The following C1orf21 variants were observed in gnomAD, a reference collection of about 807,000 sequenced individuals.
C1orf21 encodes chromosome 1 open reading frame 21.
Under a neutral mutation model 18.7 loss-of-function variants are expected in C1orf21, and 3 were observed. That is an observed-to-expected ratio of 0.16 (90% CI 0.07 to 0.42). The LOEUF (loss-of-function observed/expected upper bound fraction) is 0.42, where lower values mean the gene tolerates loss of function less well. Ranked by LOEUF, C1orf21 falls within the 10% of genes least tolerant of loss-of-function variation. The pLI, the probability that C1orf21 is intolerant of heterozygous loss-of-function variation, is 0.99. For missense variants in C1orf21, 104 were observed against 143.6 expected (o/e 0.72, Z 1.41); for synonymous variants, 41 against 46.4 (o/e 0.88, Z 0.47).
At chr1:184,557,739 T>A (rs1301031734) in intron 3 of C1orf21, among the ~76,000 whole-genome samples, 1 of 152,226 alleles carries the variant, frequency 6.6e-6, no homozygotes, top group African/African-American at 2.4e-5. Context: ...CAAGTTTCAG[T>A]TTCCATTTAG....
intron 3 of C1orf21, among the ~76,000 whole-genome samples, chr1:184,565,549 C>G (rs1425414420): frequency 6.6e-6 from 1 of 152,216 alleles, no homozygotes; most frequent in Non-Finnish European, 1.5e-5. Context: ...ATTCCAGTTC[C>G]TATGATTGCT....
At chr1:184,490,369 A>C (rs1657799754) in intron 2 of C1orf21, among the ~76,000 whole-genome samples, 1 of 152,252 alleles carries the variant, frequency 6.6e-6, no homozygotes, top group Non-Finnish European at 1.5e-5. Flanking sequence ...GAGTGGGGGA[A>C]GACTTGTAAA....
At chr1:184,578,833 G>T (rs561678758) in intron 3 of C1orf21, among the ~76,000 whole-genome samples, 57 of 152,052 alleles carry the variant, frequency 3.7e-4, no homozygotes, top group South Asian at 6.3e-4. Flanking sequence ...CTCCTCCCAA[G>T]CACAAGAGTA....
intron 3 of C1orf21, among the ~76,000 whole-genome samples, chr1:184,548,224 C>T (rs1658754740): frequency 7.2e-6 from 1 of 139,604 alleles, no homozygotes; most frequent in Non-Finnish European, 1.5e-5. Flanking sequence ...AACACACACA[C>T]ACACACACAC....
At chr1:184,450,900 C>T (rs1657110719) in intron 1 of C1orf21, among the ~76,000 whole-genome samples, 1 of 152,184 alleles carries the variant, frequency 6.6e-6, no homozygotes, top group Non-Finnish European at 1.5e-5. Context: ...GTTTTCCTGA[C>T]AGAATCTTCC....
rs373800194 is a variant in C1orf21, at chr1:184,488,959, T to C, written c.94+11356T>C. ...CAGCCTGGGCGACAGAGCGAGACTCTGTCTCAAGAAAAAGAAAAGAAAAGA... is the reference window on the plus strand; with the variant it reads ...CAGCCTGGGCGACAGAGCGAGACTCCGTCTCAAGAAAAAGAAAAGAAAAGA... On this transcript the variant is annotated intron_variant, in intron 2 of 5. Transcript: ENST00000235307. 6.6e-3 allele frequency among the ~76,000 whole-genome samples: 1,010 copies of C among 152,070 alleles called. 6 individuals carry two copies. Among genetic ancestry groups the C allele is most frequent in the South Asian group, 0.013 (65 of 4,822 alleles).
At chr1:184,471,256 AT>A (rs1156861092) in intron 1 of C1orf21, among the ~76,000 whole-genome samples, 1 of 152,148 alleles carries the variant, frequency 6.6e-6, no homozygotes, top group Non-Finnish European at 1.5e-5. Context: ...GAAATAGGGG[AT>A]CTAAGCTGTG....
At chr1:184,594,426 G>A (rs1659486251) in intron 4 of C1orf21, among the ~76,000 whole-genome samples, 3 of 152,164 alleles carry the variant, frequency 2.0e-5, no homozygotes. Context: ...ATGTACATGG[G>A]AGCCCCTATG....
chr1:184,587,897 G>T (rs966309247), intron 3 of C1orf21, among the ~76,000 whole-genome samples: 1 of 152,102 alleles, frequency 6.6e-6, no homozygotes, highest in Non-Finnish European at 1.5e-5. Flanking sequence ...TTGCAAGCAT[G>T]AGCCACTGTG....
chr1:184,577,641 C>T (rs189970479), intron 3 of C1orf21, among the ~76,000 whole-genome samples: 95 of 152,152 alleles, frequency 6.2e-4, no homozygotes, highest in Admixed American at 5.8e-3. Context: ...GTAAGAAAAA[C>T]TAGATCATTT....
chr1:184,579,837 C>G (rs115282949), intron 3 of C1orf21, among the ~76,000 whole-genome samples: 2,895 of 152,166 alleles, frequency 0.019, 86 homozygotes, highest in African/African-American at 0.065. Flanking sequence ...GAGATGACTC[C>G]TTGTGTGAAA....
At chr1:184,428,840 C>T (rs1034599417) in intron 1 of C1orf21, among the ~76,000 whole-genome samples, 14 of 152,108 alleles carry the variant, frequency 9.2e-5, no homozygotes, top group Non-Finnish European at 2.1e-4. Context: ...GATTTTGTTG[C>T]TTTTCTGAGG....
At chr1:184,514,541 T>C (rs1389290863) in intron 3 of C1orf21, among the ~76,000 whole-genome samples, 1 of 152,154 alleles carries the variant, frequency 6.6e-6, no homozygotes, top group East Asian at 1.9e-4. Context: ...AAAATAGGTA[T>C]TCAAATACTA....
At chr1:184,590,367 A>G (rs1451965563) in intron 3 of C1orf21, among the ~76,000 whole-genome samples, 2 of 152,236 alleles carry the variant, frequency 1.3e-5, no homozygotes, top group African/African-American at 4.8e-5. Flanking sequence ...AATAAATTGC[A>G]CGGAAGTCAG....
At chr1:184,514,012 G>A (rs1280139244) in intron 3 of C1orf21, among the ~76,000 whole-genome samples, 2 of 152,192 alleles carry the variant, frequency 1.3e-5, no homozygotes, top group Non-Finnish European at 2.9e-5. Context: ...AAAAATGGGA[G>A]TGGGCTACGT....
At chr1:184,402,090 T>C (rs1374544839) in intron 1 of C1orf21, among the ~76,000 whole-genome samples, 1 of 152,192 alleles carries the variant, frequency 6.6e-6, no homozygotes, top group Non-Finnish European at 1.5e-5. Context: ...CAATACCTAA[T>C]TGAATATCCA....
At chr1:184,619,298 T>G (rs1019284619) in intron 5 of C1orf21, among the ~76,000 whole-genome samples, 1 of 152,216 alleles carries the variant, frequency 6.6e-6, no homozygotes, top group African/African-American at 2.4e-5. Flanking sequence ...TAAGGGCTTA[T>G]TTGGGGCTTG....
intron 5 of C1orf21, among the ~76,000 whole-genome samples, chr1:184,605,181 G>T (rs1255429882): frequency 6.6e-6 from 1 of 152,188 alleles, no homozygotes; most frequent in Non-Finnish European, 1.5e-5. Context: ...CCTCTCTTCA[G>T]CTATCCTTTT....
chr1:184,548,214 AACACAC>A (rs58174774), intron 3 of C1orf21, among the ~76,000 whole-genome samples: 12,658 of 139,974 alleles, frequency 0.09, 625 homozygotes, highest in Non-Finnish European at 0.1. Flanking sequence ...TCAAATCCCC[AACACAC>A]ACACACACAC....
Sources: allele counts gnomAD v4.1 joint callset (sites outside exome capture counted in the v4.1 genomes callset), GRCh38; gene constraint gnomAD v4.1.1; transcripts MANE v1.5; gene names NCBI Gene and HGNC (gene_info 2026-07-23, HGNC 2026-07-21).